The following HDX variants were observed in gnomAD, a reference collection of about 807,000 sequenced individuals.
HDX encodes the protein chromosome X open reading frame 43.
In HDX, 19 loss-of-function variants were observed where a neutral mutation model predicts 45.2. The ratio of observed to expected loss-of-function variants is 0.42; its 90% CI spans 0.29 to 0.62. The LOEUF (loss-of-function observed/expected upper bound fraction) is 0.62, where lower values mean the gene tolerates loss of function less well. Ranked by LOEUF, HDX falls within the 20% of genes least tolerant of loss-of-function variation. The pLI is 0.20. For missense variants in HDX, 532 were observed against 493.9 expected (o/e 1.08, Z -0.73); for synonymous variants, 188 against 172.8 (o/e 1.09, Z -0.69).
intron 1 of HDX, among the ~76,000 whole-genome samples, chrX:84,497,995 G>T (rs2041042143): frequency 9.0e-6 from 1 of 111,420 alleles, no homozygotes; most frequent in African/African-American, 3.3e-5. Flanking sequence ...AAGCTTGAAA[G>T]AAACTGTCCC....
intron 5 of HDX, among the ~76,000 whole-genome samples, chrX:84,432,178 T>C (rs1484349500): frequency 1.8e-5 from 2 of 111,634 alleles, no homozygotes; most frequent in African/African-American, 3.3e-5. Context: ...CTCTCTATTC[T>C]GTTCCATTGG....
At chrX:84,437,418 T>C (rs1332933174) in intron 5 of HDX, among the ~76,000 whole-genome samples, 1 of 110,992 alleles carries the variant, frequency 9.0e-6, no homozygotes, top group Non-Finnish European at 1.9e-5. Flanking sequence ...CAGGCACATA[T>C]AATCATGCTT....
At chrX:84,409,081 T>A (rs773942955) in intron 5 of HDX, among the ~76,000 whole-genome samples, 1 of 110,925 alleles carries the variant, frequency 9.0e-6, no homozygotes, top group Non-Finnish European at 1.9e-5. Context: ...CAGACACTTC[T>A]CAAAAGAAGA....
intron 10 of HDX, 137 bp from the exon 11 acceptor site, chrX:84,322,151 A>T (rs2036611034): frequency 2.6e-6 from 1 of 391,540 alleles, no homozygotes; most frequent in Admixed American, 5.5e-5. Flanking sequence ...ATCTTAGACA[A>T]TGCCTTACCT....
chrX:84,458,396 C>G (rs2040162374), intron 4 of HDX, among the ~76,000 whole-genome samples: 1 of 111,715 alleles, frequency 9.0e-6, no homozygotes, highest in Non-Finnish European at 1.9e-5. Flanking sequence ...TGAAATGTAC[C>G]TATGAACATT....
At chrX:84,414,772 G>A (rs1315626386) in intron 5 of HDX, among the ~76,000 whole-genome samples, 3 of 111,626 alleles carry the variant, frequency 2.7e-5, no homozygotes, top group Admixed American at 9.5e-5. Context: ...CAACCATTGT[G>A]ACTCTGTGTT....
intron 5 of HDX, among the ~76,000 whole-genome samples, chrX:84,398,801 G>A (rs2038627912): frequency 9.0e-6 from 1 of 111,716 alleles, no homozygotes; most frequent in Non-Finnish European, 1.9e-5. Flanking sequence ...TTCTAAAATC[G>A]ATCACGTAAT....
chrX:84,417,708 G>T (rs774411053), intron 5 of HDX, among the ~76,000 whole-genome samples: 2 of 111,958 alleles, frequency 1.8e-5, no homozygotes, highest in Non-Finnish European at 3.8e-5. Flanking sequence ...GAGTAAGAGA[G>T]GAGTGAAACA....
intron 5 of HDX, among the ~76,000 whole-genome samples, chrX:84,433,663 A>G (rs2039554724): frequency 9.0e-6 from 1 of 111,511 alleles, no homozygotes. Context: ...TGCTTTGGCT[A>G]TTCTGGCTCT....
intron 5 of HDX, among the ~76,000 whole-genome samples, chrX:84,403,716 G>C (rs1404767559): frequency 1.8e-5 from 2 of 111,771 alleles, no homozygotes; most frequent in East Asian, 2.8e-4. Context: ...CAAAAATTAT[G>C]TACAATGTCC....
At chrX:84,419,407 G>C (rs2039195243) in intron 5 of HDX, among the ~76,000 whole-genome samples, 1 of 112,095 alleles carries the variant, frequency 8.9e-6, no homozygotes, top group Non-Finnish European at 1.9e-5. Context: ...AGCATTTCTT[G>C]TGGTATGGGG....
chrX:84,409,318 T>A (rs1053282741), intron 5 of HDX, among the ~76,000 whole-genome samples: 1 of 111,234 alleles, frequency 9.0e-6, no homozygotes, highest in African/African-American at 3.3e-5. Context: ...AGTGTGGCGA[T>A]TCCTCAGGGA....
At chrX:84,438,140 G>A (rs1602457197) in intron 5 of HDX, among the ~76,000 whole-genome samples, 1 of 110,923 alleles carries the variant, frequency 9.0e-6, no homozygotes, top group African/African-American at 3.3e-5. Flanking sequence ...CCCTTTTAAT[G>A]TTAAGTGGGG....
intron 7 of HDX, among the ~76,000 whole-genome samples, chrX:84,341,006 CT>C (rs1268028421): frequency 2.7e-5 from 3 of 111,475 alleles, no homozygotes; most frequent in African/African-American, 9.8e-5. Context: ...TTAACTTTCA[CT>C]TTTTTTCCTT....
At chrX:84,410,123 T>C (rs1426096866) in intron 5 of HDX, among the ~76,000 whole-genome samples, 1 of 109,626 alleles carries the variant, frequency 9.1e-6, no homozygotes, top group Non-Finnish European at 1.9e-5. Context: ...TCACTTCTTC[T>C]TTTCCTATTT....
intron 5 of HDX, among the ~76,000 whole-genome samples, chrX:84,387,449 G>T (rs1837703289): frequency 9.0e-6 from 1 of 111,586 alleles, no homozygotes; most frequent in Admixed American, 9.5e-5. Flanking sequence ...ATTATTGTGT[G>T]ATTGTCTAAG....
chrX:84,475,336 T>C lies in HDX; in HGVS notation c.62A>G (p.Asn21Ser). ...QQRILQRYYE[N>S]GMTNQSKNCF... ...ATTTTTACTTTGATTTGTCATTCCA[T>C]TTTCATAATAACGCTGTAAAATCCT... is the stretch of plus-strand genomic sequence containing the variant. Residue 21 changes from asparagine (N) to serine (S), a missense_variant, in exon 3 of 11, where the codon AAT becomes AGT. Asn to Ser is a conservative substitution (Grantham distance 46, BLOSUM62 1). Around this residue, in one of 3 missense-constraint regions of HDX, gnomAD observed 376 missense variants for 343.7 expected, o/e 1.09. Coordinates refer to ENST00000373177, the MANE Select transcript of HDX (RefSeq NM_001177479.2). The C allele has an allele frequency of 8.5e-7, 1 of 1,174,146 alleles. No homozygotes were observed. Among genetic ancestry groups the C allele is most frequent in the Non-Finnish European group, 1.2e-6 (1 of 864,101 alleles).
chrX:84,322,578 T>C (rs2036619477), intron 10 of HDX, among the ~76,000 whole-genome samples: 1 of 110,786 alleles, frequency 9.0e-6, no homozygotes, highest in South Asian at 3.8e-4. Flanking sequence ...TACCTACAGA[T>C]GGCCAAGCAC....
At chrX:84,412,813 T>C (rs2039018363) in intron 5 of HDX, among the ~76,000 whole-genome samples, 1 of 111,806 alleles carries the variant, frequency 8.9e-6, no homozygotes, top group Non-Finnish European at 1.9e-5. Flanking sequence ...TGTTAAAGAG[T>C]AATATGTCTC....
Sources: allele counts gnomAD v4.1 joint callset (sites outside exome capture counted in the v4.1 genomes callset), GRCh38; gene constraint gnomAD v4.1.1; regional missense constraint gnomAD v4.1.1; transcripts MANE v1.5; gene names NCBI Gene and HGNC (gene_info 2026-07-23, HGNC 2026-07-21).